DPY30: variants seen among roughly 807,000 people sequenced by gnomAD.
The protein encoded by DPY30 is dpy-30 histone methyltransferase complex regulatory subunit, also known as protein dpy-30 homolog.
In DPY30, 6 loss-of-function variants were observed where a neutral mutation model predicts 16.2. The ratio of observed to expected loss-of-function variants is 0.37; its 90% confidence interval spans 0.20 to 0.73. The LOEUF is 0.73. DPY30 is among the 30% of genes least tolerant of loss of function. DPY30 has a pLI of 0.51. For missense variants in DPY30, 73 were observed against 113.1 expected (o/e 0.65, Z 1.61); for synonymous variants, 39 against 38.8 (o/e 1.00, Z -0.02).
intron 3 of DPY30, among the ~76,000 whole-genome samples, chr2:32,036,531 G>A (rs1467028287): frequency 6.6e-6 from 1 of 152,026 alleles, no homozygotes; most frequent in Non-Finnish European, 1.5e-5. Context: ...AATTAGCCGG[G>A]CATGGTGGCG....
intron 3 of DPY30, among the ~76,000 whole-genome samples, chr2:32,030,675 T>C (rs1354618974): frequency 1.3e-5 from 2 of 150,458 alleles, no homozygotes; most frequent in African/African-American, 4.9e-5. Flanking sequence ...AGTGCGTGCC[T>C]GTAGCCCCAG....
chr2:32,039,809 T>G (rs894704419), upstream of DPY30: 2 of 351,704 alleles, frequency 5.7e-6, no homozygotes, highest in Non-Finnish European at 1.1e-5. Context: ...CGGCCGTAAG[T>G]GACGGCTGTC....
At chr2:32,036,377 A>G (rs1457858259) in intron 3 of DPY30, among the ~76,000 whole-genome samples, 1 of 152,134 alleles carries the variant, frequency 6.6e-6, no homozygotes, top group African/African-American at 2.4e-5. Flanking sequence ...AGAAGTATTA[A>G]AAGAAAAAAA....
chr2:32,026,811 A>AAAAT (rs1174430437), intron 4 of DPY30, among the ~76,000 whole-genome samples: 24 of 152,140 alleles, frequency 1.6e-4, no homozygotes, highest in Non-Finnish European at 2.5e-4. Flanking sequence ...TCCGTCTCAA[A>AAAAT]AAATAAATAA....
chr2:32,031,308 T>C (rs954947905), intron 3 of DPY30, among the ~76,000 whole-genome samples: 9 of 151,812 alleles, frequency 5.9e-5, no homozygotes, highest in African/African-American at 2.2e-4. Flanking sequence ...TACTCCCAGC[T>C]ACTCGGGAGG....
chr2:32,038,482 C>T (rs947808956), intron 3 of DPY30, among the ~76,000 whole-genome samples: 2 of 148,926 alleles, frequency 1.3e-5, no homozygotes, highest in African/African-American at 2.5e-5. Context: ...CGCAGTGGTG[C>T]GATCATAGCT....
chr2:32,038,464 G>C (rs896168968), intron 3 of DPY30, among the ~76,000 whole-genome samples: 2 of 149,492 alleles, frequency 1.3e-5, no homozygotes, highest in African/African-American at 4.9e-5. Context: ...CTGACACCCA[G>C]GCTGGAGCGC....
intron 4 of DPY30, among the ~76,000 whole-genome samples, chr2:32,025,423 A>G (rs1423441858): frequency 2.6e-5 from 4 of 152,126 alleles, no homozygotes; most frequent in Middle Eastern, 3.4e-3. Context: ...AGATCATGCC[A>G]CTGTACTCCA....
downstream of DPY30, chr2:32,020,968 T>TA (rs373768556): frequency 0.01 from 1,439 of 139,180 alleles, 19 homozygotes; most frequent in Non-Finnish European, 0.014. Flanking sequence ...CCTCACCTCT[T>TA]AAAAAAAAAA....
intron 1 of DPY30, 58 bp from the exon 2 acceptor site, chr2:32,039,550 G>A (rs1327572090): frequency 6.4e-7 from 1 of 1,558,810 alleles, no homozygotes; most frequent in Non-Finnish European, 8.8e-7. Flanking sequence ...AAGACTCCAG[G>A]ATGGAGTGCA....
chr2:32,029,537 T>G (rs1675455278), intron 4 of DPY30, 57 bp downstream of exon 4: 1 of 1,590,482 alleles, frequency 6.3e-7, no homozygotes, highest in African/African-American at 1.3e-5. Context: ...ATATTTCAGA[T>G]AGGGGAATCT....
chr2:32,019,955 C>T (rs1239369320), downstream of DPY30, among the ~76,000 whole-genome samples: 1 of 145,802 alleles, frequency 6.9e-6, no homozygotes, highest in Non-Finnish European at 1.5e-5. Context: ...TATGTAAAAA[C>T]ATATACATAT....
Position 32,024,033 on chromosome 2 carries a change from A to G in DPY30, c.*151T>C. ...TGGTGATTAAATCAAAATAAGGGAA[A>G]TATGTTATCTTCTGCAATTCCAGAA... On this transcript the variant is annotated 3_prime_UTR_variant, in exon 5 of 5. Transcript: ENST00000342166. The G allele has an allele frequency of 6.7e-7, 1 of 1,482,862 alleles. No individual in the cohort carries two copies. Among genetic ancestry groups the G allele is most frequent in the Non-Finnish European group, 8.9e-7 (1 of 1,124,588 alleles). 91.9% of individuals were successfully genotyped at this position (1,482,862 alleles called of 1,614,324 possible).
intron 5 of DPY30, among the ~76,000 whole-genome samples, chr2:32,013,902 G>A (rs1017464040): frequency 6.6e-6 from 1 of 152,160 alleles, no homozygotes; most frequent in Non-Finnish European, 1.5e-5. Flanking sequence ...CAGCAACTCG[G>A]GAGGCTGAGG....
intron 3 of DPY30, 121 bp from the exon 4 acceptor site, chr2:32,029,857 G>A: frequency 9.6e-7 from 1 of 1,040,806 alleles, no homozygotes; most frequent in Non-Finnish European, 1.4e-6. Flanking sequence ...TAGAAAGATG[G>A]TACTAGACCA....
chr2:32,039,564 C>T (rs1675886385), intron 1 of DPY30, 72 bp from the exon 2 acceptor site: 2 of 1,473,246 alleles, frequency 1.4e-6, no homozygotes, highest in East Asian at 4.8e-5. Context: ...GAGTGCAGCC[C>T]AGCCCCCGAC....
intron 4 of DPY30, 104 bp downstream of exon 4, chr2:32,029,490 T>A (rs2148661763): frequency 7.3e-7 from 1 of 1,361,494 alleles, no homozygotes; most frequent in African/African-American, 1.4e-5. Flanking sequence ...TTAACATCCA[T>A]AAATCACACA....
rs1031554645 is a variant in DPY30, at chr2:32,018,021, C to T, written n.377+5401G>A. The stretch of plus-strand genomic sequence containing the variant: ...ATCTGTGAACCAGAAAGTAGGCCCT[C>T]ACTACACAACTTTAATCTTGAACTT... On this transcript the variant is annotated intron_variant and non_coding_transcript_variant, in intron 5 of 5. Transcript: ENST00000414013. 3.3e-5 allele frequency among the ~76,000 whole-genome samples: 5 copies of T among 152,120 alleles called. No individual in the cohort carries two copies. In the East Asian group the frequency reaches 5.8e-4, roughly 18 times the overall value.
At chr2:32,031,930 CAA>C (rs34702054) in intron 3 of DPY30, among the ~76,000 whole-genome samples, 3 of 144,342 alleles carry the variant, frequency 2.1e-5, no homozygotes, top group Admixed American at 6.9e-5. Flanking sequence ...ATGAAAGAGA[CAA>C]AAAAAAAAGA....
Sources: allele counts gnomAD v4.1 joint callset (sites outside exome capture counted in the v4.1 genomes callset), GRCh38; gene constraint gnomAD v4.1.1; transcripts MANE v1.5; gene names NCBI Gene and HGNC (gene_info 2026-07-23, HGNC 2026-07-21).